CEP170: variants seen among roughly 807,000 people sequenced by gnomAD.
CEP170 encodes the protein centrosomal protein of 170 kDa.
In CEP170, 21 loss-of-function variants were observed where a neutral mutation model predicts 151.9. That is an observed-to-expected ratio of 0.14 (90% confidence interval 0.10 to 0.20). The LOEUF is 0.20. Among genes scored for constraint, CEP170 ranks in the 10% least tolerant of loss-of-function variants. CEP170 has a pLI of 1.00. For missense variants in CEP170, 964 were observed against 1,892.9 expected (o/e 0.51, Z 9.11); for synonymous variants, 356 against 648.8 (o/e 0.55, Z 6.86).
At chr1:243,137,787 A>AG (rs2055299906) in intron 16 of CEP170, among the ~76,000 whole-genome samples, 2 of 152,066 alleles carry the variant, frequency 1.3e-5, no homozygotes, top group South Asian at 4.1e-4. Context: ...ATTAAAAAAA[A>AG]AAAAAAAAAA....
At chr1:243,175,857 C>T (rs1558508031) in intron 10 of CEP170, among the ~76,000 whole-genome samples, 2 of 152,252 alleles carry the variant, frequency 1.3e-5, no homozygotes, top group Admixed American at 6.5e-5. Context: ...AGTGCAGTGG[C>T]GCGATCTCGG....
intron 14 of CEP170, 103 bp from the exon 15 acceptor site, chr1:243,142,566 A>G (rs2148324141): frequency 1.8e-6 from 2 of 1,129,164 alleles, no homozygotes; most frequent in East Asian, 5.5e-5. Context: ...TATCTAATTA[A>G]ATATTTGTAC....
At chr1:243,206,427 C>A (rs1295445337) in intron 4 of CEP170, among the ~76,000 whole-genome samples, 3 of 152,220 alleles carry the variant, frequency 2.0e-5, no homozygotes, top group Non-Finnish European at 4.4e-5. Flanking sequence ...GCCACCATGC[C>A]CGGCCAATAT....
intron 16 of CEP170, among the ~76,000 whole-genome samples, chr1:243,136,647 CA>C (rs2055115945): frequency 1.3e-5 from 2 of 152,348 alleles, no homozygotes; most frequent in East Asian, 1.9e-4. Context: ...AAGAAGAGTA[CA>C]ATCCTTGTTC....
intron 15 of CEP170, among the ~76,000 whole-genome samples, 195 bp downstream of exon 15, chr1:243,142,121 A>C (rs1334256684): frequency 2.6e-5 from 4 of 152,264 alleles, no homozygotes; most frequent in African/African-American, 9.6e-5. Context: ...TCGTGTTAAT[A>C]GTAGACCAAA....
At chr1:243,243,820 C>T (rs1417477647) in intron 1 of CEP170, among the ~76,000 whole-genome samples, 1 of 152,014 alleles carries the variant, frequency 6.6e-6, no homozygotes, top group Admixed American at 6.6e-5. Flanking sequence ...GCCACCACGC[C>T]CGTCCATCAT....
chr1:243,205,053 G>A (rs2061320137), intron 4 of CEP170, among the ~76,000 whole-genome samples: 1 of 152,160 alleles, frequency 6.6e-6, no homozygotes, highest in Non-Finnish European at 1.5e-5. Context: ...CCCTGTGAAA[G>A]TTTCTAGGTC....
intron 14 of CEP170, among the ~76,000 whole-genome samples, chr1:243,148,873 T>C (rs185647320): frequency 2.0e-5 from 3 of 152,034 alleles, no homozygotes; most frequent in Non-Finnish European, 4.4e-5. Flanking sequence ...TGAAAAAAAT[T>C]TGGCAAACCC....
At chr1:243,199,330 A>G (rs1258440147) in intron 6 of CEP170, 136 bp from the exon 7 acceptor site, 10 of 785,166 alleles carry the variant, frequency 1.3e-5, no homozygotes, top group Non-Finnish European at 1.9e-5. Context: ...AATGTACTCT[A>G]TACTGAATTA....
intron 13 of CEP170, among the ~76,000 whole-genome samples, chr1:243,160,166 T>A (rs1487324559): frequency 2.0e-5 from 3 of 152,054 alleles, no homozygotes; most frequent in Non-Finnish European, 2.9e-5. Flanking sequence ...GAAGAAAAAA[T>A]TTATTTCTTT....
intron 7 of CEP170, among the ~76,000 whole-genome samples, chr1:243,192,810 G>C (rs969039933): frequency 6.6e-6 from 1 of 152,172 alleles, no homozygotes; most frequent in African/African-American, 2.4e-5. Flanking sequence ...GAATGATATA[G>C]TAACATCTCT....
At chr1:243,228,523 G>A (rs540047623) in intron 1 of CEP170, among the ~76,000 whole-genome samples, 4 of 152,080 alleles carry the variant, frequency 2.6e-5, no homozygotes, top group Admixed American at 1.3e-4. Flanking sequence ...AAAGCCCTCC[G>A]ATCTAAATAT....
intron 3 of CEP170, among the ~76,000 whole-genome samples, chr1:243,217,907 C>T (rs1415400220): frequency 1.3e-5 from 2 of 152,204 alleles, no homozygotes; most frequent in Non-Finnish European, 2.9e-5. Context: ...CTCTGAACTA[C>T]AAATCCTATG....
At chr1:243,241,122 G>A (rs2064795765) in intron 1 of CEP170, among the ~76,000 whole-genome samples, 1 of 152,170 alleles carries the variant, frequency 6.6e-6, no homozygotes, top group South Asian at 2.1e-4. Context: ...GTGTAGGAGG[G>A]TGCCTCCGAA....
chr1:243,254,073 C>T (rs2066239520), intron 1 of CEP170, among the ~76,000 whole-genome samples: 1 of 152,106 alleles, frequency 6.6e-6, no homozygotes, highest in Non-Finnish European at 1.5e-5. Flanking sequence ...ACAACAGCTT[C>T]GTTGTCAGGC....
At chr1:243,136,793 C>G (rs2055136553) in intron 16 of CEP170, among the ~76,000 whole-genome samples, 1 of 149,564 alleles carries the variant, frequency 6.7e-6, no homozygotes, top group Non-Finnish European at 1.5e-5. Flanking sequence ...CTGTAAAGAG[C>G]CAGAGGGTGA....
chr1:243,187,130 A>C (rs796962554), intron 8 of CEP170, among the ~76,000 whole-genome samples: 2 of 152,298 alleles, frequency 1.3e-5, no homozygotes, highest in South Asian at 4.1e-4. Context: ...TGAAATCTCC[A>C]CCTAGATCTA....
At chr1:243,221,666 T>C (rs1474469842) in intron 3 of CEP170, 58 bp downstream of exon 3, 6 of 1,472,614 alleles carry the variant, frequency 4.1e-6, no homozygotes, top group African/African-American at 1.4e-5. Flanking sequence ...ATCTGATTTT[T>C]ATTCTTACAA....
intron 4 of CEP170, among the ~76,000 whole-genome samples, chr1:243,209,152 G>T (rs1419934642): frequency 6.6e-6 from 1 of 152,076 alleles, no homozygotes; most frequent in Non-Finnish European, 1.5e-5. Flanking sequence ...ATGTTAAATT[G>T]CTCCTTCTAT....
Sources: allele counts gnomAD v4.1 joint callset (sites outside exome capture counted in the v4.1 genomes callset), GRCh38; gene constraint gnomAD v4.1.1; transcripts MANE v1.5; gene names NCBI Gene and HGNC (gene_info 2026-07-23, HGNC 2026-07-21).